Variants in NMRAL1 observed in about 807,000 individuals in gnomAD.
The protein encoded by NMRAL1 is nmrA-like family domain-containing protein 1.
NMRAL1 carries 32 observed loss-of-function variants against 27.5 expected under a neutral mutation model. The ratio of observed to expected loss-of-function variants is 1.16; its 90% CI spans 0.88 to 1.56. The LOEUF is 1.56. Ranked by LOEUF, NMRAL1 falls within the 40% of genes most tolerant of loss-of-function variation. NMRAL1 has a pLI of 0.00. For missense variants in NMRAL1, 420 were observed against 392.0 expected (o/e 1.07, Z -0.60); for synonymous variants, 166 against 166.8 (o/e 1.00, Z 0.04).
intron 2 of NMRAL1, among the ~76,000 whole-genome samples, chr16:4,472,493 C>G (rs1245229198): frequency 6.6e-6 from 1 of 151,654 alleles, no homozygotes; most frequent in African/African-American, 2.4e-5. Context: ...GCCTCTAATC[C>G]CAGCACTTTA....
chr16:4,472,589 C>T (rs1424345943), intron 2 of NMRAL1, among the ~76,000 whole-genome samples: 2 of 151,826 alleles, frequency 1.3e-5, no homozygotes, highest in Non-Finnish European at 2.9e-5. Context: ...ATTAAAAATA[C>T]AAAAATTAGC....
upstream of NMRAL1, chr16:4,474,817 C>G (rs1441337909): frequency 1.3e-5 from 2 of 152,320 alleles, no homozygotes; most frequent in Admixed American, 6.5e-5. Context: ...AAAATTACCT[C>G]TTTATCTTGC....
At chr16:4,466,012 A>G (rs1406980804) in intron 4 of NMRAL1, 141 bp downstream of exon 4, 1 of 935,986 alleles carries the variant, frequency 1.1e-6, no homozygotes, top group Non-Finnish European at 1.6e-6. Flanking sequence ...GCAAGCTGAC[A>G]GGATGTGCTC....
intron 5 of NMRAL1, 49 bp from the exon 6 acceptor site, chr16:4,462,008 A>G: frequency 6.5e-7 from 1 of 1,534,800 alleles, no homozygotes; most frequent in Non-Finnish European, 8.9e-7. Flanking sequence ...GTGCCCCGGG[A>G]GGTGGCGGGG....
intron 2 of NMRAL1, among the ~76,000 whole-genome samples, chr16:4,470,273 C>T (rs553131525): frequency 1.4e-5 from 2 of 147,550 alleles, no homozygotes; most frequent in Non-Finnish European, 1.5e-5. Flanking sequence ...AGTTTGAGAA[C>T]AGCCCGACCA....
intron 3 of NMRAL1, among the ~76,000 whole-genome samples, chr16:4,468,588 C>A (rs1488899199): frequency 1.4e-5 from 2 of 148,016 alleles, no homozygotes; most frequent in Admixed American, 6.8e-5. Context: ...TGCACTCCGG[C>A]CTGGGCGACA....
At chr16:4,469,961 G>A (rs1266234105) in intron 2 of NMRAL1, among the ~76,000 whole-genome samples, 4 of 151,054 alleles carry the variant, frequency 2.6e-5, no homozygotes, top group African/African-American at 4.9e-5. Context: ...TAAGGAGACC[G>A]AGACCATCCT....
chr16:4,463,331 G>C, intron 5 of NMRAL1: 1 of 398,470 alleles, frequency 2.5e-6, no homozygotes, highest in Non-Finnish European at 4.5e-6. Flanking sequence ...CACAGGGGAG[G>C]GGTCGGGTCT....
In NMRAL1 at chr16:4,474,046, C is replaced by T. The variant is rs568391205; in HGVS notation, c.40+47G>A. On this transcript the variant is annotated intron_variant, in intron 2 of 5. Transcript: ENST00000283429. ...ACCCCAGGACGGGCGGTCTTCAGGG[C>T]TAGGCGCCCTGGCTCTGCAAGGGCC... The T allele has an allele frequency of 3.4e-5, 52 of 1,526,322 alleles. 1 individual carries two copies. In the South Asian group the frequency reaches 5.6e-4, roughly 16 times the overall value. 94.5% of individuals were successfully genotyped at this position (1,526,322 alleles called of 1,614,324 possible).
chr16:4,467,667 C>T (rs532058907), intron 3 of NMRAL1, among the ~76,000 whole-genome samples: 19 of 142,492 alleles, frequency 1.3e-4, no homozygotes, highest in African/African-American at 3.9e-4. Flanking sequence ...TCGCTCAGGC[C>T]GGAGTGCAGT....
At chr16:4,463,612 A>G (rs1289414597) in intron 5 of NMRAL1, 48 bp downstream of exon 5, 1 of 1,583,136 alleles carries the variant, frequency 6.3e-7, no homozygotes, top group African/African-American at 1.3e-5. Context: ...TACGGGAGCT[A>G]GAAAGCCCTG....
rs1263903291 is a variant in NMRAL1, at chr16:4,469,225, A to T, written c.279+2T>A. ...CTCCCTGCAGCTCCTGCCTGCCCTC[A>T]CCTGCTTGACCTCCTGCTCCTGGCT... is the stretch of plus-strand genomic sequence containing the variant. On this transcript the variant is annotated splice_donor_variant, in intron 3 of 5. Coordinates refer to ENST00000283429, the MANE Select transcript of NMRAL1 (RefSeq NM_020677.6). LOFTEE classifies it high-confidence loss of function. The T allele has an allele frequency of 1.9e-6, 3 of 1,609,696 alleles. No individual in the cohort carries two copies. The highest frequency in any genetic ancestry group is 1.7e-6 in the Non-Finnish European group (2 of 1,176,554).
At chr16:4,463,931 G>C (rs537498318) in intron 4 of NMRAL1, 81 bp from the exon 5 acceptor site, 279 of 1,230,782 alleles carry the variant, frequency 2.3e-4, no homozygotes, top group Non-Finnish European at 1.8e-4. Context: ...AAGGGTCCAA[G>C]CTGGTTCTTC....
chr16:4,469,419 T>A lies in NMRAL1; in HGVS notation c.87A>T (p.Thr29=). 6.2e-7 allele frequency: 1 copy of A among 1,614,090 alleles called. No individual in the cohort carries two copies. Among genetic ancestry groups the A allele is most frequent in the Non-Finnish European group, 8.5e-7 (1 of 1,180,014 alleles). The change falls in exon 3 of 6, where the codon ACA becomes ACT. Residue 29 remains threonine, a synonymous_variant. Transcript: ENST00000283429. The part of the protein sequence containing the change: ...SVARTLLEDG[T]FKVRVVTRNP... ...TTCGGGTCACCACTCGAACCTTGAA[T>A]GTCCCATCTTCCAGGAGTGTGCGGG...
chr16:4,469,509 A>T (rs1267514783), intron 2 of NMRAL1, 44 bp from the exon 3 acceptor site: 1 of 1,607,646 alleles, frequency 6.2e-7, no homozygotes. Flanking sequence ...CCTACCTGAA[A>T]GTCCCACTGA....
intron 4 of NMRAL1, among the ~76,000 whole-genome samples, chr16:4,465,548 T>G (rs2057289041): frequency 6.6e-6 from 1 of 152,060 alleles, no homozygotes; most frequent in South Asian, 2.1e-4. Context: ...TCGTCTTTGG[T>G]TTTTTTGTTT....
upstream of NMRAL1, chr16:4,474,735 C>T (rs2057766182): frequency 6.6e-6 from 1 of 152,478 alleles, no homozygotes; most frequent in African/African-American, 2.4e-5. Flanking sequence ...TGTGTAAATC[C>T]AGTTAGACCA....
chr16:4,465,395 C>T (rs1421765408), intron 4 of NMRAL1, among the ~76,000 whole-genome samples: 1 of 152,146 alleles, frequency 6.6e-6, no homozygotes, highest in Non-Finnish European at 1.5e-5. Flanking sequence ...ACTGAGTGAC[C>T]AGCAGGACAC....
intron 3 of NMRAL1, among the ~76,000 whole-genome samples, chr16:4,467,890 G>A (rs2057389839): frequency 6.6e-6 from 1 of 152,010 alleles, no homozygotes; most frequent in Admixed American, 6.6e-5. Flanking sequence ...AAAGTGTGGG[G>A]ATTACAAGCA....
Sources: gnomAD v4.1 joint callset for allele counts (sites outside exome capture counted in the v4.1 genomes callset) on GRCh38, gnomAD v4.1.1 for gene constraint, MANE v1.5 for transcripts, NCBI Gene and HGNC (gene_info 2026-07-23, HGNC 2026-07-21) for gene names.